HDAC4: variants seen among roughly 807,000 people sequenced by gnomAD.
HDAC4 encodes the protein histone deacetylase 4, also known as histone deacetylase A.
Under a neutral mutation model 135.1 loss-of-function variants are expected in HDAC4, and 16 were observed. The ratio of observed to expected loss-of-function variants is 0.12; its 90% CI spans 0.08 to 0.18. HDAC4 has a LOEUF of 0.18. Among genes scored for constraint, HDAC4 ranks in the 10% least tolerant of loss-of-function variants. HDAC4 has a pLI of 1.00. For synonymous variants in HDAC4, 685 were observed against 653.4 expected (o/e 1.05, Z -0.74); for missense variants, 1,143 against 1,511.8 (o/e 0.76, Z 4.05).
chr2:239,249,856 C>T (rs541938851), intron 2 of HDAC4, among the ~76,000 whole-genome samples: 2 of 152,218 alleles, frequency 1.3e-5, no homozygotes, highest in Non-Finnish European at 2.9e-5. Context: ...AGAATGTGCA[C>T]AAAATATACA....
intron 9 of HDAC4, among the ~76,000 whole-genome samples, chr2:239,138,942 T>C (rs925089750): frequency 1.3e-5 from 2 of 152,170 alleles, no homozygotes; most frequent in African/African-American, 4.8e-5. Flanking sequence ...CCTCCCTGCC[T>C]TGCCACTCAG....
intron 12 of HDAC4, among the ~76,000 whole-genome samples, chr2:239,118,620 GC>G (rs1242785576): frequency 6.6e-6 from 1 of 152,168 alleles, no homozygotes; most frequent in Non-Finnish European, 1.5e-5. Context: ...CACAATGAGA[GC>G]CCCGTGAGGC....
chr2:239,066,654 G>A (rs1302625992), intron 24 of HDAC4, 68 bp downstream of exon 24: 1 of 1,609,448 alleles, frequency 6.2e-7, no homozygotes, highest in South Asian at 1.1e-5. Flanking sequence ...GGGGCTCTCG[G>A]GCAGCCAGGC....
chr2:239,201,523 CCTACAGCCCACA>C (rs2153074777), intron 3 of HDAC4, among the ~76,000 whole-genome samples: 1 of 152,276 alleles, frequency 6.6e-6, no homozygotes, highest in Admixed American at 6.5e-5. Flanking sequence ...TTGCTGAGAG[CCTACAGCCCACA>C]GCTCTCCGTG....
chr2:239,160,369 G>A (rs1030306880), intron 6 of HDAC4, among the ~76,000 whole-genome samples: 2 of 152,310 alleles, frequency 1.3e-5, no homozygotes, highest in African/African-American at 2.4e-5. Flanking sequence ...CGGGAGCCAC[G>A]TGTGGCTTGT....
rs766003755 is a variant in HDAC4, at chr2:239,095,036, C to T, written c.2254G>A (p.Val752Ile). ...CCAACACCACCGCAAGGGAGCCGGA[C>T]GAACACGGAGGCGAGCGAGCCTGTG... ...KLLGSLASVFVRLPCGGVGVD... is the reference protein window; with the variant it reads ...KLLGSLASVFIRLPCGGVGVD... Residue 752 changes from valine to isoleucine, a missense_variant, in exon 17 of 27, where the codon GTC becomes ATC. Physicochemically the swap from Val to Ile is conservative, Grantham distance 29. Around this residue, in one of 9 missense-constraint regions of HDAC4, gnomAD observed 49 missense variants for 55.6 expected, o/e 0.88. Coordinates refer to ENST00000543185, the MANE Select transcript of HDAC4 (RefSeq NM_001378414.1). The T allele has an allele frequency of 1.2e-5, 19 of 1,613,738 alleles. No individual in the cohort carries two copies. Among genetic ancestry groups the T allele is most frequent in the South Asian group, 4.4e-5 (4 of 91,092 alleles).
chr2:239,060,760 G>GA (rs368188446), intron 24 of HDAC4, among the ~76,000 whole-genome samples: 8 of 152,388 alleles, frequency 5.2e-5, no homozygotes, highest in African/African-American at 1.9e-4. Context: ...GACTTGCCCG[G>GA]AAGTTCAGCG....
At chr2:239,269,056 T>C (rs1426716983) in intron 2 of HDAC4, among the ~76,000 whole-genome samples, 1 of 152,168 alleles carries the variant, frequency 6.6e-6, no homozygotes, top group African/African-American at 2.4e-5. Flanking sequence ...AAGACCCTCT[T>C]ACTGTGCACA....
chr2:239,190,181 G>GGC (rs1553549373), intron 3 of HDAC4, 104 bp from the exon 4 acceptor site: 8 of 1,431,314 alleles, frequency 5.6e-6, no homozygotes, highest in African/African-American at 2.9e-5. Context: ...GGGCGGGGGG[G>GGC]GGGTTGTGAC....
chr2:239,243,374 G>A (rs1178663851), intron 2 of HDAC4, among the ~76,000 whole-genome samples: 2 of 152,088 alleles, frequency 1.3e-5, no homozygotes, highest in African/African-American at 2.4e-5. Context: ...GGATGGTCTC[G>A]ATCTCCTGAC....
At chr2:239,192,200 CAT>C (rs2045024550) in intron 3 of HDAC4, among the ~76,000 whole-genome samples, 1 of 105,160 alleles carries the variant, frequency 9.5e-6, no homozygotes, top group Non-Finnish European at 1.8e-5. Context: ...AGGACTGTTC[CAT>C]GTGCAGGAGC....
intron 1 of HDAC4, among the ~76,000 whole-genome samples, chr2:239,384,735 C>A (rs1429410915): frequency 3.3e-5 from 5 of 152,202 alleles, no homozygotes; most frequent in Non-Finnish European, 5.9e-5. Flanking sequence ...ATGGCCCCAG[C>A]ACCATATACC....
intron 15 of HDAC4, among the ~76,000 whole-genome samples, chr2:239,106,328 T>C (rs745884877): frequency 6.6e-6 from 1 of 152,054 alleles, no homozygotes; most frequent in Non-Finnish European, 1.5e-5. Flanking sequence ...CGGAACCTCC[T>C]GGGGGTGGGG....
At chr2:239,085,072 A>ACACTCT (rs745393565) in intron 19 of HDAC4, among the ~76,000 whole-genome samples, 7 of 142,338 alleles carry the variant, frequency 4.9e-5, no homozygotes, top group Admixed American at 2.8e-4. Context: ...ACACACACAC[A>ACACTCT]CTCTCCTGCT....
chr2:239,114,085 T>C (rs925591472), intron 13 of HDAC4, among the ~76,000 whole-genome samples: 6 of 152,180 alleles, frequency 3.9e-5, no homozygotes, highest in African/African-American at 1.4e-4. Flanking sequence ...GGCCCCACAC[T>C]GATTCATTCA....
intron 1 of HDAC4, among the ~76,000 whole-genome samples, chr2:239,388,005 T>C (rs1419571135): frequency 6.6e-6 from 1 of 152,048 alleles, no homozygotes; most frequent in Non-Finnish European, 1.5e-5. Context: ...ACGCCACAGG[T>C]GTGCAGGGAC....
intron 24 of HDAC4, among the ~76,000 whole-genome samples, chr2:239,058,244 T>C (rs2032170101): frequency 2.0e-5 from 3 of 152,156 alleles, no homozygotes; most frequent in South Asian, 2.1e-4. Context: ...ATAGGTTGCA[T>C]ATCTTTGGAC....
intron 2 of HDAC4, among the ~76,000 whole-genome samples, chr2:239,271,592 G>A (rs77269085): frequency 0.019 from 2,935 of 152,144 alleles, 44 homozygotes; most frequent in Non-Finnish European, 0.026. Context: ...TCCATCCCCC[G>A]ATGTGGATCT....
rs1307760506 is a variant in HDAC4 at position 239,349,351 on chromosome 2, A to G, written c.22+3327T>C. ...CGGTTCCGTGGCTGTGCTCTGACACACCTAGAAATTTCCCGCTCAAGAGAG... is the reference window on the plus strand; with the variant it reads ...CGGTTCCGTGGCTGTGCTCTGACACGCCTAGAAATTTCCCGCTCAAGAGAG... On this transcript the variant is annotated intron_variant, in intron 2 of 26. Coordinates refer to ENST00000543185, the MANE Select transcript of HDAC4 (RefSeq NM_001378414.1). This position sits in a 1 kb window ranked among gnomAD's most constrained non-coding sequence, Gnocchi z 5.7. 6.6e-6 allele frequency among the ~76,000 whole-genome samples: 1 copy of G among 152,222 alleles called. No individual in the cohort carries two copies. The highest frequency in any genetic ancestry group is 1.9e-4 in the East Asian group (1 of 5,194).
Sources: gnomAD v4.1 joint callset for allele counts (sites outside exome capture counted in the v4.1 genomes callset) on GRCh38, gnomAD v4.1.1 for gene constraint, gnomAD v4.1.1 regional missense constraint, Gnocchi (gnomAD v3.1) non-coding constraint, MANE v1.5 for transcripts, NCBI Gene and HGNC (gene_info 2026-07-23, HGNC 2026-07-21) for gene names.